The following INTS8 variants were observed in gnomAD, a reference collection of about 807,000 sequenced individuals.
INTS8 encodes protein kaonashi-1.
A neutral mutation model predicts 138.9 loss-of-function variants in INTS8; 47 were observed. The ratio of observed to expected loss-of-function variants is 0.34; its 90% CI spans 0.27 to 0.43. The LOEUF is 0.43. Ranked by LOEUF, INTS8 falls within the 20% of genes least tolerant of loss-of-function variation. INTS8 has a pLI of 1.00. For synonymous variants in INTS8, 392 were observed against 400.9 expected (o/e 0.98, Z 0.27); for missense variants, 996 against 1,173.0 (o/e 0.85, Z 2.20).
chr8:94,867,817 C>T (rs538598751), intron 20 of INTS8: 99 of 153,246 alleles, frequency 6.5e-4, no homozygotes, highest in African/African-American at 2.3e-3. Context: ...AGCTACCACA[C>T]CTGGCCCAGC....
At chr8:94,860,356 C>G (rs373630473) in intron 16 of INTS8, 1 of 151,098 alleles carries the variant, frequency 6.6e-6, no homozygotes, top group African/African-American at 2.4e-5. Context: ...CCAAGACGTG[C>G]GGATCACAAG....
Position 94,876,062 on chromosome 8 carries a change from T to G in INTS8, c.2689-12T>G. 6.4e-7 allele frequency: 1 copy of G among 1,562,320 alleles called. No individual in the cohort carries two copies. The highest frequency in any genetic ancestry group is 8.8e-7 in the Non-Finnish European group (1 of 1,134,576). On this transcript the variant is annotated splice_polypyrimidine_tract_variant and intron_variant, in intron 23 of 26. Transcript: ENST00000523731. ...ATTACATGAAACCATTTTCAAATCT[T>G]TGTTAATGTAGGTGGCCATTTTATG...
chr8:94,880,568 G>A lies in INTS8; in HGVS notation c.*334G>A. ...GAAATAGCTAGCCTATGTACAGCAAGTTTTCATGTCTTTTTTTAATAAATA... is the reference window on the plus strand; with the variant it reads ...GAAATAGCTAGCCTATGTACAGCAAATTTTCATGTCTTTTTTTAATAAATA... On this transcript the variant is annotated 3_prime_UTR_variant, in exon 27 of 27. Coordinates refer to ENST00000523731, the MANE Select transcript of INTS8 (RefSeq NM_017864.4). 1 of 319,724 alleles carries A rather than the reference G, an allele frequency of 3.1e-6. No homozygotes were observed. The highest frequency in any genetic ancestry group is 5.0e-5 in the East Asian group (1 of 19,852). 19.8% of individuals were successfully genotyped at this position (319,724 alleles called of 1,614,324 possible). A position where few individuals can be genotyped will look rare whatever the true frequency, so the allele number is the denominator to read the frequency against.
chr8:94,828,430 G>A (rs958849911), intron 4 of INTS8, among the ~76,000 whole-genome samples: 1 of 152,194 alleles, frequency 6.6e-6, no homozygotes, highest in African/African-American at 2.4e-5. Context: ...CAATACAAAA[G>A]TTGATCGTAT....
chr8:94,831,924 G>C, intron 5 of INTS8, 68 bp from the exon 6 acceptor site: 2 of 1,286,872 alleles, frequency 1.6e-6, no homozygotes, highest in Non-Finnish European at 2.1e-6. Flanking sequence ...TAAATAGACT[G>C]TAAATATTTT....
At chr8:94,841,054 A>C (rs967789230) in intron 8 of INTS8, among the ~76,000 whole-genome samples, 7 of 151,560 alleles carry the variant, frequency 4.6e-5, no homozygotes, top group Non-Finnish European at 7.4e-5. Context: ...CTGGGATTAC[A>C]TGCAAGTGCC....
At chr8:94,877,077 T>C (rs1816588704) in intron 26 of INTS8, among the ~76,000 whole-genome samples, 1 of 152,238 alleles carries the variant, frequency 6.6e-6, no homozygotes, top group Non-Finnish European at 1.5e-5. Context: ...TCCTAATATC[T>C]ATTTCCCCAG....
chr8:94,859,221 C>T (rs1022373786), intron 15 of INTS8, among the ~76,000 whole-genome samples: 5 of 151,762 alleles, frequency 3.3e-5, no homozygotes, highest in Admixed American at 2.6e-4. Flanking sequence ...CTCAAGGCTG[C>T]AGTGAACCAT....
Position 94,876,228 on chromosome 8 carries a change from G to A in INTS8, c.2770G>A (p.Ala924Thr). 2 of 1,611,854 alleles carry A rather than the reference G, an allele frequency of 1.2e-6. No individual in the cohort carries two copies. Among genetic ancestry groups the A allele is most frequent in the Non-Finnish European group, 1.7e-6 (2 of 1,178,502 alleles). Reference sequence around the variant, plus strand: ...CTGAATTCTGTCTTTCAGTCATGATGCTATGGACTCCTACTACGACTACAT... The same window carrying A: ...CTGAATTCTGTCTTTCAGTCATGATACTATGGACTCCTACTACGACTACAT... Reference protein sequence around the residue: ...KSLQEQNSHDAMDSYYDYIWD... With the variant: ...KSLQEQNSHDTMDSYYDYIWD... The change falls in exon 25 of 27, where the codon GCT becomes ACT. Residue 924 changes from alanine (A) to threonine (T), a missense_variant. Physicochemically the swap from Ala to Thr is moderately conservative, Grantham distance 58 (BLOSUM62 0). Coordinates refer to ENST00000523731, the MANE Select transcript of INTS8 (RefSeq NM_017864.4).
intron 25 of INTS8, 76 bp from the exon 26 acceptor site, chr8:94,876,370 C>A: frequency 7.0e-7 from 1 of 1,437,754 alleles, no homozygotes; most frequent in South Asian, 1.2e-5. Flanking sequence ...TTTTCCAAAT[C>A]AAAACTGAAA....
chr8:94,871,978 A>G lies in INTS8; in HGVS notation c.2509A>G (p.Ile837Val). ...AAATCCAAATAACCATTCTTGGTTA[A>G]TTATCCAGGCAGATATTTACTTTGG... Reference protein sequence around the residue: ...SINPNNHSWLIIQADIYFATN... With the variant: ...SINPNNHSWLVIQADIYFATN... The change falls in exon 21 of 27, where the codon ATT becomes GTT. Residue 837 changes from isoleucine (I) to valine (V), a missense_variant. Coordinates refer to ENST00000523731, the MANE Select transcript of INTS8 (RefSeq NM_017864.4). 1 of 1,560,574 alleles carries G rather than the reference A, an allele frequency of 6.4e-7. No homozygotes were observed. Among genetic ancestry groups the G allele is most frequent in the Non-Finnish European group, 8.8e-7 (1 of 1,133,364 alleles).
intron 16 of INTS8, chr8:94,864,745 G>A (rs1052129702): frequency 7.2e-5 from 11 of 152,180 alleles, no homozygotes; most frequent in African/African-American, 2.4e-4. Context: ...TGAATTTATT[G>A]TAAGTCAATC....
intron 7 of INTS8, among the ~76,000 whole-genome samples, chr8:94,837,966 A>G (rs897731424): frequency 1.3e-5 from 2 of 151,838 alleles, no homozygotes; most frequent in African/African-American, 4.8e-5. Context: ...CTGGCCTATG[A>G]GCAATAGTTT....
rs76719672 is a variant in INTS8, at chr8:94,863,920, T to C, written c.2077-1586T>C. ...TTGGTCCATGTCTATTCACCTAGTA[T>C]AGGCAGGGTTTTTATGTTATTCTCA... On this transcript the variant is annotated intron_variant, in intron 16 of 26. Coordinates refer to ENST00000523731, the MANE Select transcript of INTS8 (RefSeq NM_017864.4). Among the ~76,000 whole-genome samples, 1,124 of 152,256 alleles carry C rather than the reference T, an allele frequency of 7.4e-3. 7 individuals are homozygous for C. The highest frequency in any genetic ancestry group is 0.026 in the African/African-American group (1,070 of 41,540).
chr8:94,859,881 G>T, intron 16 of INTS8: 1 of 391,052 alleles, frequency 2.6e-6, no homozygotes, highest in South Asian at 2.8e-5. Flanking sequence ...ATAACACATT[G>T]GTGTAATCCT....
intron 13 of INTS8, among the ~76,000 whole-genome samples, chr8:94,852,943 G>C (rs1028396986): frequency 1.3e-5 from 2 of 152,070 alleles, no homozygotes; most frequent in Non-Finnish European, 2.9e-5. Flanking sequence ...CATACTAGTA[G>C]AGAGAAAATA....
At chr8:94,842,609 T>C in intron 10 of INTS8, 121 bp downstream of exon 10, 5 of 715,240 alleles carry the variant, frequency 7.0e-6, no homozygotes, top group South Asian at 1.9e-5. Context: ...TGCCTGACAA[T>C]TGGCACTTTT....
chr8:94,869,239 C>G (rs1031788112), intron 20 of INTS8, among the ~76,000 whole-genome samples: 1 of 151,956 alleles, frequency 6.6e-6, no homozygotes, highest in Admixed American at 6.6e-5. Flanking sequence ...CCTCAGCCTC[C>G]CAAAGTGCTG....
intron 23 of INTS8, among the ~76,000 whole-genome samples, chr8:94,875,347 T>C (rs981668555): frequency 2.0e-5 from 3 of 152,162 alleles, no homozygotes; most frequent in South Asian, 2.1e-4. Flanking sequence ...TGAAAGATTA[T>C]GCTAAGTGAA....
Sources: gnomAD v4.1 joint callset for allele counts (sites outside exome capture counted in the v4.1 genomes callset) on GRCh38, gnomAD v4.1.1 for gene constraint, MANE v1.5 for transcripts, NCBI Gene and HGNC (gene_info 2026-07-23, HGNC 2026-07-21) for gene names.